Variants in SLC35B4 observed in about 807,000 individuals in gnomAD.
SLC35B4 encodes the protein nucleotide sugar transporter SLC35B4.
A neutral mutation model predicts 39.5 loss-of-function variants in SLC35B4; 28 were observed. The observed-to-expected ratio is 0.71, with a 90% CI of 0.53 to 0.97. The LOEUF is 0.97. SLC35B4 is among the 50% of genes least tolerant of loss of function. SLC35B4 has a pLI of 0.00. For synonymous variants in SLC35B4, 145 were observed against 150.4 expected, an observed-to-expected ratio of 0.96 and a Z score of 0.26; for missense variants, 334 against 414.3, an observed-to-expected ratio of 0.81 and a Z score of 1.68.
upstream of SLC35B4, chr7:134,317,102 C>G (rs573210802): frequency 8.2e-6 from 2 of 244,438 alleles, no homozygotes; most frequent in South Asian, 9.6e-5. Flanking sequence ...CGGCATGACT[C>G]GCGCGATAGG....
At chr7:134,314,437 T>C (rs1803922311) in intron 1 of SLC35B4, among the ~76,000 whole-genome samples, 1 of 152,250 alleles carries the variant, frequency 6.6e-6, no homozygotes, top group African/African-American at 2.4e-5. Flanking sequence ...CATACAGCCT[T>C]TGGCAAGATT....
chr7:134,316,790 G>C lies in SLC35B4; in HGVS notation c.-39C>G. Reference sequence around the variant, plus strand: ...TTGGGGAAGCAAGCGCACAGAGTAAGCGCCCGCCTGTACCGCTACCCCAGG... The same window carrying C: ...TTGGGGAAGCAAGCGCACAGAGTAACCGCCCGCCTGTACCGCTACCCCAGG... On this transcript the variant is annotated 5_prime_UTR_variant, in exon 1 of 10. Transcript: ENST00000378509. 1 of 1,503,970 alleles carries C rather than the reference G, an allele frequency of 6.6e-7. No homozygotes were observed. Among genetic ancestry groups the C allele is most frequent in the Non-Finnish European group, 8.9e-7 (1 of 1,126,016 alleles). The allele number at this position is 1,503,970 out of a possible 1,614,324, so 93.2% of individuals were successfully genotyped here.
At chr7:134,303,853 C>A (rs1426286042) in intron 4 of SLC35B4, among the ~76,000 whole-genome samples, 3 of 152,138 alleles carry the variant, frequency 2.0e-5, no homozygotes. Context: ...AGGTGACAGA[C>A]AAAAACTTTG....
Position 134,302,057 on chromosome 7 carries a change from A to C in SLC35B4, c.398T>G (p.Ile133Ser). ...CTGCTTTGCTGACATAAAAGTGCAA[A>C]TAAATATCCCCACAGACACCAGGGC... ...SIALVSVGIF[I>S]CTFMSAKQVT... The change falls in exon 5 of 10, where the codon ATT (isoleucine) becomes AGT (serine). Residue 133 changes from isoleucine to serine, a missense_variant. Transcript: ENST00000378509. 6.2e-7 allele frequency: 1 copy of C among 1,614,074 alleles called. No individual in the cohort carries two copies. Among genetic ancestry groups the C allele is most frequent in the Non-Finnish European group, 8.5e-7 (1 of 1,179,992 alleles).
chr7:134,313,331 G>A (rs1007441794), intron 1 of SLC35B4, among the ~76,000 whole-genome samples: 5 of 152,176 alleles, frequency 3.3e-5, no homozygotes, highest in Non-Finnish European at 7.3e-5. Context: ...TGGGCAGATC[G>A]TTTATGCCGT....
intron 7 of SLC35B4, 44 bp downstream of exon 7, chr7:134,300,108 C>A (rs1554483298): frequency 7.4e-7 from 1 of 1,345,484 alleles, no homozygotes; most frequent in Non-Finnish European, 1.0e-6. Flanking sequence ...TAACATTTTA[C>A]AACTTAGGAA....
At chr7:134,299,000 T>C in intron 8 of SLC35B4, among the ~76,000 whole-genome samples, 1 of 152,250 alleles carries the variant, frequency 6.6e-6, no homozygotes. Context: ...ACAGCTAACT[T>C]ACACTAGACG....
At chr7:134,305,958 T>G (rs900009771) in intron 3 of SLC35B4, among the ~76,000 whole-genome samples, 78 of 152,302 alleles carry the variant, frequency 5.1e-4, no homozygotes, top group African/African-American at 1.8e-3. Context: ...CCTGAACCAC[T>G]GTGCACAGCC....
chr7:134,297,501 A>C (rs1803493172), intron 8 of SLC35B4, among the ~76,000 whole-genome samples: 2 of 152,228 alleles, frequency 1.3e-5, no homozygotes, highest in African/African-American at 2.4e-5. Context: ...TACATAAACA[A>C]AGGCACTTTC....
chr7:134,311,851 T>A (rs953394223), intron 1 of SLC35B4, among the ~76,000 whole-genome samples: 4 of 152,206 alleles, frequency 2.6e-5, no homozygotes, highest in Admixed American at 2.0e-4. Flanking sequence ...TGAGTGCATG[T>A]GTCGCTGTAT....
At chr7:134,314,911 A>G (rs1803935608) in intron 1 of SLC35B4, among the ~76,000 whole-genome samples, 1 of 151,668 alleles carries the variant, frequency 6.6e-6, no homozygotes, top group Non-Finnish European at 1.5e-5. Flanking sequence ...AGTTGGATAC[A>G]ATTTTTTTTT....
intron 9 of SLC35B4, among the ~76,000 whole-genome samples, chr7:134,295,636 G>C (rs1159005169): frequency 6.6e-6 from 1 of 151,730 alleles, no homozygotes; most frequent in Non-Finnish European, 1.5e-5. Context: ...ACTCAAGCTA[G>C]AGTGCAGTGG....
chr7:134,319,873 G>T (rs777457797), upstream of SLC35B4, among the ~76,000 whole-genome samples: 4 of 152,086 alleles, frequency 2.6e-5, no homozygotes, highest in Non-Finnish European at 4.4e-5. Context: ...CACCTCACAA[G>T]TATCTCTAGA....
chr7:134,319,431 G>T (rs954973167), upstream of SLC35B4, among the ~76,000 whole-genome samples: 3 of 152,022 alleles, frequency 2.0e-5, no homozygotes, highest in Admixed American at 2.0e-4. Flanking sequence ...TTTCTCTTTT[G>T]ACTTCTCTGA....
rs757450883 is a variant in SLC35B4 at position 134,294,821 on chromosome 7, T to C, written c.*12A>G. On this transcript the variant is annotated 3_prime_UTR_variant, in exon 10 of 10. Transcript: ENST00000378509. ...CTCACGACGACACTGGTCTACGTAC[T>C]CCAGACAGGCCTCAGTTCTTCTTGC... 2.4e-5 allele frequency: 38 copies of C among 1,613,576 alleles called. No homozygotes were observed. Among genetic ancestry groups the C allele is most frequent in the African/African-American group, 6.7e-5 (5 of 74,908 alleles).
Position 134,295,003 on chromosome 7 carries a change from G to A in SLC35B4, c.826C>T (p.Arg276Cys), listed in dbSNP as rs770005997. Reference sequence around the variant, plus strand: ...GAAAAGATGAGGCTCACAAATTTGCGTAGGGTCACGACGAGCGTGACGGTG... The same window carrying A: ...GAAAAGATGAGGCTCACAAATTTGCATAGGGTCACGACGAGCGTGACGGTG... Reference protein sequence around the residue: ...SLTVTLVVTLRKFVSLIFSIL... With the variant: ...SLTVTLVVTLCKFVSLIFSIL... The change falls in exon 10 of 10, where the codon CGC becomes TGC. Residue 276 changes from arginine to cysteine, a missense_variant. By Grantham distance (180) the Arg-to-Cys change is radical (BLOSUM62 -3). Transcript: ENST00000378509. 7 of 1,614,160 alleles carry A rather than the reference G, an allele frequency of 4.3e-6. No individual in the cohort carries two copies. In the South Asian group the frequency reaches 4.4e-5, roughly 10 times the overall value.
rs1296313614 is a variant in SLC35B4 at position 134,294,578 on chromosome 7, A to C, written c.*255T>G. 4.9e-6 allele frequency: 2 copies of C among 404,936 alleles called. No homozygotes were observed. Among genetic ancestry groups the C allele is most frequent in the Non-Finnish European group, 4.5e-6 (1 of 221,092 alleles). 25.1% of individuals were successfully genotyped at this position (404,936 alleles called of 1,614,324 possible). A position where few individuals can be genotyped will look rare whatever the true frequency, so the allele number is the denominator to read the frequency against. On this transcript the variant is annotated 3_prime_UTR_variant, in exon 10 of 10. Transcript: ENST00000378509. ...AAGAATAATACTGAATATGTCGGTA[A>C]ACAAAACAGAAATAAATGAATGGGC...
chr7:134,314,538 TC>T (rs1803925014), intron 1 of SLC35B4, among the ~76,000 whole-genome samples: 1 of 152,240 alleles, frequency 6.6e-6, no homozygotes, highest in African/African-American at 2.4e-5. Flanking sequence ...TTTTATATTT[TC>T]TTTTTTTATT....
At chr7:134,297,890 TAC>T (rs1278133975) in intron 8 of SLC35B4, among the ~76,000 whole-genome samples, 1 of 151,960 alleles carries the variant, frequency 6.6e-6, no homozygotes, top group South Asian at 2.1e-4. Flanking sequence ...AAAAGACACA[TAC>T]ACACACACAC....
Sources: allele counts gnomAD v4.1 joint callset (sites outside exome capture counted in the v4.1 genomes callset), GRCh38; gene constraint gnomAD v4.1.1; transcripts MANE v1.5; gene names NCBI Gene and HGNC (gene_info 2026-07-23, HGNC 2026-07-21).